GALK2: variants seen among roughly 807,000 people sequenced by gnomAD.
The protein encoded by GALK2 is galactokinase 2, also known as N-acetylgalactosamine kinase.
In GALK2, 36 loss-of-function variants were observed where a neutral mutation model predicts 52.4. That is an observed-to-expected ratio of 0.69 (90% CI 0.53 to 0.91). The LOEUF is 0.91. GALK2 is among the 40% of genes least tolerant of loss of function. The pLI, the probability that GALK2 is intolerant of heterozygous loss-of-function variation, is 0.00. For synonymous variants in GALK2, 176 were observed against 199.1 expected (o/e 0.88, Z 0.98); for missense variants, 579 against 559.1 (o/e 1.04, Z -0.36).
At chr15:49,189,852 A>T (rs2086604744) in intron 1 of GALK2, among the ~76,000 whole-genome samples, 1 of 152,140 alleles carries the variant, frequency 6.6e-6, no homozygotes, top group Non-Finnish European at 1.5e-5. Context: ...GGAGTTGTTT[A>T]TTTCTGTATT....
intron 5 of GALK2, among the ~76,000 whole-genome samples, chr15:49,271,033 A>G (rs538693188): frequency 6.6e-6 from 1 of 152,294 alleles, no homozygotes; most frequent in Non-Finnish European, 1.5e-5. Context: ...GGGAAGGAAC[A>G]TGCAATTCCA....
chr15:49,216,360 TG>T (rs2089373586), intron 2 of GALK2, among the ~76,000 whole-genome samples: 1 of 152,184 alleles, frequency 6.6e-6, no homozygotes, highest in African/African-American at 2.4e-5. Context: ...GGAATCTCCT[TG>T]GTGCTTTACT....
At chr15:49,200,568 TA>T (rs1479722108) in intron 1 of GALK2, among the ~76,000 whole-genome samples, 2 of 152,170 alleles carry the variant, frequency 1.3e-5, no homozygotes, top group Non-Finnish European at 2.9e-5. Context: ...ATTAGAGTAA[TA>T]AAGCTGTAAG....
At chr15:49,286,722 G>T (rs935952284) in intron 7 of GALK2, among the ~76,000 whole-genome samples, 2 of 152,022 alleles carry the variant, frequency 1.3e-5, no homozygotes, top group South Asian at 4.1e-4. Context: ...TAATATCAAG[G>T]GTTCAATGAA....
At chr15:49,231,645 A>C (rs1447166377) in intron 3 of GALK2, among the ~76,000 whole-genome samples, 2 of 152,262 alleles carry the variant, frequency 1.3e-5, no homozygotes, top group Non-Finnish European at 2.9e-5. Context: ...ATTACTTCCA[A>C]CATACAGTGA....
At chr15:49,228,679 A>ATTTTTTTT in intron 3 of GALK2, among the ~76,000 whole-genome samples, 1 of 11,392 alleles carries the variant, frequency 8.8e-5, no homozygotes, top group African/African-American at 3.7e-4. Flanking sequence ...ATATATATAT[A>ATTTTTTTT]TATATATATT....
chr15:49,170,053 C>T (rs1281781852), upstream of GALK2: 2 of 552,444 alleles, frequency 3.6e-6, no homozygotes, highest in Admixed American at 3.3e-5. Flanking sequence ...GGGGCTCCTG[C>T]GAGGCCCTAG....
downstream of GALK2, among the ~76,000 whole-genome samples, chr15:49,335,965 T>C (rs1042034717): frequency 1.3e-5 from 2 of 152,262 alleles, no homozygotes; most frequent in Admixed American, 6.5e-5. Context: ...GGAATCCTCC[T>C]GCCTCAGCTT....
chr15:49,185,683 C>T (rs147074127), intron 1 of GALK2: 1 of 152,206 alleles, frequency 6.6e-6, no homozygotes, highest in East Asian at 1.9e-4. Flanking sequence ...AGGTGGGTAT[C>T]TCATTGTGGT....
intron 7 of GALK2, among the ~76,000 whole-genome samples, chr15:49,289,579 C>G (rs2033725520): frequency 6.6e-6 from 1 of 152,156 alleles, no homozygotes; most frequent in Admixed American, 6.5e-5. Flanking sequence ...TCAGTGGTAA[C>G]TGGGAGTTAT....
At chr15:49,264,240 C>T (rs1393052803) in intron 5 of GALK2, among the ~76,000 whole-genome samples, 1 of 151,870 alleles carries the variant, frequency 6.6e-6, no homozygotes, top group African/African-American at 2.4e-5. Context: ...TTCACATAGT[C>T]CCATATTTCT....
chr15:49,163,585 G>A (rs1055556335), intron 1 of GALK2, among the ~76,000 whole-genome samples: 2 of 152,124 alleles, frequency 1.3e-5, no homozygotes, highest in African/African-American at 2.4e-5. Flanking sequence ...GAAAAGATAC[G>A]CTTTTTCAAT....
chr15:49,258,790 ATATATG>A (rs1403540854), intron 5 of GALK2, among the ~76,000 whole-genome samples: 37 of 115,518 alleles, frequency 3.2e-4, no homozygotes, highest in South Asian at 9.4e-4. Flanking sequence ...ATATATATAT[ATATATG>A]TGTGTGTGTG....
chr15:49,249,230 A>G (rs1340748877), intron 5 of GALK2, among the ~76,000 whole-genome samples: 1 of 152,172 alleles, frequency 6.6e-6, no homozygotes, highest in Non-Finnish European at 1.5e-5. Flanking sequence ...ATTTTCATGC[A>G]TTTCTGTTTC....
intron 9 of GALK2, among the ~76,000 whole-genome samples, chr15:49,320,955 G>A (rs565189169): frequency 3.9e-5 from 6 of 152,250 alleles, no homozygotes; most frequent in East Asian, 3.9e-4. Flanking sequence ...GAAAAGCTGC[G>A]GAAGGGCATT....
chr15:49,273,924 T>C (rs1428862633), intron 5 of GALK2, among the ~76,000 whole-genome samples: 1 of 152,182 alleles, frequency 6.6e-6, no homozygotes, highest in African/African-American at 2.4e-5. Context: ...AAGGACAGTT[T>C]ATTTCACTAG....
intron 1 of GALK2, chr15:49,195,030 A>T (rs538127487): frequency 6.7e-6 from 3 of 445,386 alleles, no homozygotes; most frequent in East Asian, 7.4e-5. Context: ...ATGTTGTATC[A>T]TCTTATCCAA....
chr15:49,204,116 A>G (rs2088044196), intron 2 of GALK2, among the ~76,000 whole-genome samples: 1 of 151,836 alleles, frequency 6.6e-6, no homozygotes, highest in East Asian at 1.9e-4. Context: ...AAAAAAAAAA[A>G]AAAAGAAAAT....
At chr15:49,170,654 G>C in intron 1 of GALK2, 1 of 400,850 alleles carries the variant, frequency 2.5e-6, no homozygotes, top group Non-Finnish European at 4.5e-6. Context: ...CTTTCTACTG[G>C]GCTTCAGCAG....
Sources: gnomAD v4.1 joint callset for allele counts (sites outside exome capture counted in the v4.1 genomes callset) on GRCh38, gnomAD v4.1.1 for gene constraint, MANE v1.5 for transcripts, NCBI Gene and HGNC (gene_info 2026-07-23, HGNC 2026-07-21) for gene names.